MSTO1: variants seen among roughly 807,000 people sequenced by gnomAD.
The protein encoded by MSTO1 is misato mitochondrial distribution and morphology regulator 1.
A neutral mutation model predicts 55.7 loss-of-function variants in MSTO1; 24 were observed. That is an observed-to-expected ratio of 0.43 (90% confidence interval 0.31 to 0.61). The LOEUF (loss-of-function observed/expected upper bound fraction) is 0.61, where lower values mean the gene tolerates loss of function less well. MSTO1 is among the 20% of genes least tolerant of loss of function. MSTO1 has a pLI of 0.09. For missense variants in MSTO1, 363 were observed against 625.7 expected (o/e 0.58, Z 4.48); for synonymous variants, 162 against 252.8 (o/e 0.64, Z 3.41).
chr1:155,608,282 G>C (rs1352155568), upstream of MSTO1, among the ~76,000 whole-genome samples: 1 of 152,134 alleles, frequency 6.6e-6, no homozygotes, highest in Non-Finnish European at 1.5e-5. Context: ...TCTCACCCTA[G>C]CCTCTGGTTA....
the MSTO1 span, among the ~76,000 whole-genome samples, chr1:155,604,767 TG>T: frequency 4.6e-5 from 7 of 151,966 alleles, no homozygotes; most frequent in African/African-American, 1.2e-4. Context: ...CCCAGCTACT[TG>T]GGGGGCTGAG....
At chr1:155,568,423 T>G in the MSTO1 span, among the ~76,000 whole-genome samples, 2 of 150,770 alleles carry the variant, frequency 1.3e-5, no homozygotes, top group South Asian at 2.1e-4. Flanking sequence ...GATTTTTGTT[T>G]GGGTACAGGT....
chr1:155,598,240 CA>C, the MSTO1 span, among the ~76,000 whole-genome samples: 1 of 152,090 alleles, frequency 6.6e-6, no homozygotes, highest in East Asian at 1.9e-4. Context: ...CCTCAGCCTC[CA>C]AAGTAGCTGG....
chr1:155,593,707 G>A, the MSTO1 span, among the ~76,000 whole-genome samples: 11 of 150,824 alleles, frequency 7.3e-5, no homozygotes, highest in East Asian at 2.0e-4. Context: ...GGTGGCTCAC[G>A]CCCATAATCC....
the MSTO1 span, among the ~76,000 whole-genome samples, chr1:155,597,685 T>C: frequency 6.7e-6 from 1 of 150,310 alleles, no homozygotes; most frequent in African/African-American, 2.4e-5. Flanking sequence ...AATTTTTGTA[T>C]TTTTAGTAGG....
chr1:155,603,712 G>C, the MSTO1 span, among the ~76,000 whole-genome samples: 1 of 151,992 alleles, frequency 6.6e-6, no homozygotes, highest in African/African-American at 2.4e-5. Context: ...ACAAAAACTA[G>C]CTGGGCACGG....
upstream of MSTO1, chr1:155,609,802 A>C (rs969052060): frequency 2.1e-5 from 4 of 189,046 alleles, no homozygotes; most frequent in South Asian, 2.0e-4. Context: ...ACTTCTGAAG[A>C]GATGAAGGGG....
At chr1:155,586,841 A>C in the MSTO1 span, 1 of 264,228 alleles carries the variant, frequency 3.8e-6, no homozygotes, top group South Asian at 3.7e-5. Context: ...TCTGCCTTCC[A>C]GGTTCAAGCA....
the MSTO1 span, among the ~76,000 whole-genome samples, chr1:155,594,286 C>A: frequency 2.0e-5 from 3 of 151,764 alleles, no homozygotes; most frequent in African/African-American, 7.3e-5. Context: ...CCTGTAATCC[C>A]AGCTACTTGG....
At chr1:155,573,342 C>T in the MSTO1 span, among the ~76,000 whole-genome samples, 2 of 152,222 alleles carry the variant, frequency 1.3e-5, no homozygotes, top group South Asian at 2.1e-4. Context: ...GCAGGTGGAT[C>T]GCTTGAGCCC....
At chr1:155,566,783 T>G in the MSTO1 span, among the ~76,000 whole-genome samples, 2 of 151,666 alleles carry the variant, frequency 1.3e-5, no homozygotes, top group Non-Finnish European at 1.5e-5. Flanking sequence ...GCCTGGCTAA[T>G]TTTGTATTTT....
At chr1:155,614,011 G>C in intron 13 of MSTO1, 48 bp from the exon 14 acceptor site, 1 of 1,607,056 alleles carries the variant, frequency 6.2e-7, no homozygotes, top group African/African-American at 1.3e-5. Flanking sequence ...GAGTCCCAGG[G>C]CAGAATAATC....
At chr1:155,601,601 G>A in the MSTO1 span, among the ~76,000 whole-genome samples, 5 of 151,854 alleles carry the variant, frequency 3.3e-5, no homozygotes, top group Non-Finnish European at 7.4e-5. Context: ...CTTCTAGCCT[G>A]GGCAACAGAG....
the MSTO1 span, among the ~76,000 whole-genome samples, chr1:155,585,447 C>T: frequency 1.1e-4 from 17 of 149,664 alleles, no homozygotes; most frequent in Non-Finnish European, 1.9e-4. Context: ...TGCTTGAACC[C>T]GGGAGGCGGA....
the MSTO1 span, among the ~76,000 whole-genome samples, chr1:155,567,582 G>C: frequency 1.3e-5 from 2 of 151,770 alleles, no homozygotes; most frequent in East Asian, 3.9e-4. Flanking sequence ...TTACAGGCGT[G>C]AGCCACCGCG....
the MSTO1 span, chr1:155,563,398 G>T: frequency 4.4e-6 from 2 of 456,726 alleles, no homozygotes; most frequent in Non-Finnish European, 8.8e-6. Context: ...ACCTCCAGGA[G>T]GTAGGGAGTG....
chr1:155,570,547 A>C, the MSTO1 span, among the ~76,000 whole-genome samples: 4 of 152,172 alleles, frequency 2.6e-5, no homozygotes, highest in Non-Finnish European at 4.4e-5. Context: ...TAAGTCATTC[A>C]CTTTATCTTA....
chr1:155,575,840 T>TTTA, the MSTO1 span, among the ~76,000 whole-genome samples: 3 of 138,506 alleles, frequency 2.2e-5, no homozygotes, highest in African/African-American at 8.9e-5. Context: ...TTATTTATTT[T>TTTA]TGAGACAGAG....
upstream of MSTO1, among the ~76,000 whole-genome samples, chr1:155,608,228 A>G (rs924610125): frequency 3.3e-5 from 5 of 152,152 alleles, no homozygotes; most frequent in Non-Finnish European, 7.3e-5. Context: ...CAGTGCTCCA[A>G]TCATGGTTCA....
Sources: allele counts gnomAD v4.1 joint callset (sites outside exome capture counted in the v4.1 genomes callset), GRCh38; gene constraint gnomAD v4.1.1; transcripts MANE v1.5; gene names NCBI Gene and HGNC (gene_info 2026-07-23, HGNC 2026-07-21).